CCDC91: variants seen among roughly 807,000 people sequenced by gnomAD.
CCDC91 encodes the protein coiled-coil domain-containing protein 91.
In CCDC91, 48 loss-of-function variants were observed where a neutral mutation model predicts 63.2. The observed-to-expected ratio is 0.76, with a 90% CI of 0.60 to 0.97. CCDC91 has a LOEUF of 0.97. CCDC91 is among the 50% of genes least tolerant of loss of function. The pLI is 0.00. For missense variants in CCDC91, 500 were observed against 494.6 expected, an observed-to-expected ratio of 1.01 and a Z score of -0.10; for synonymous variants, 167 against 165.8, an observed-to-expected ratio of 1.01 and a Z score of -0.06.
intron 8 of CCDC91, among the ~76,000 whole-genome samples, chr12:28,448,929 A>G (rs1282028357): frequency 6.6e-6 from 1 of 152,078 alleles, no homozygotes; most frequent in Non-Finnish European, 1.5e-5. Flanking sequence ...AGAGAATATA[A>G]AATTAAAATC....
intron 6 of CCDC91, among the ~76,000 whole-genome samples, chr12:28,312,824 G>A (rs2137210412): frequency 6.6e-6 from 1 of 152,118 alleles, no homozygotes; most frequent in Non-Finnish European, 1.5e-5. Flanking sequence ...AAGTTTCCCT[G>A]TGCAAGTTCT....
At chr12:28,510,768 G>C (rs981121070) in intron 12 of CCDC91, among the ~76,000 whole-genome samples, 2 of 151,642 alleles carry the variant, frequency 1.3e-5, no homozygotes, top group African/African-American at 4.8e-5. Flanking sequence ...TTAATCTTTT[G>C]AATAATATAA....
At chr12:28,548,915 C>T (rs903231415) in intron 12 of CCDC91, 148 bp from the exon 13 acceptor site, 1 of 548,456 alleles carries the variant, frequency 1.8e-6, no homozygotes, top group African/African-American at 1.9e-5. Context: ...AGTGACTTTA[C>T]TGTCATTCAG....
chr12:28,313,396 C>CA (rs1465526905), intron 6 of CCDC91, among the ~76,000 whole-genome samples: 3 of 151,972 alleles, frequency 2.0e-5, no homozygotes, highest in Non-Finnish European at 4.4e-5. Flanking sequence ...AGCTATTTCT[C>CA]ACCATGAAAA....
rs79672408 is a variant in CCDC91, at chr12:28,437,845, G to T, written c.763-12316G>T. Among the ~76,000 whole-genome samples, 1,405 of 151,984 alleles carry T rather than the reference G, an allele frequency of 9.2e-3. 27 individuals are homozygous for T. The highest frequency in any genetic ancestry group is 0.032 in the African/African-American group (1,335 of 41,476). Reference sequence around the variant, plus strand: ...GAACTATGCACCTGAAACTGGTTTTGTGTCTGGTAGATTCTCACTCTGCAA... The same window carrying T: ...GAACTATGCACCTGAAACTGGTTTTTTGTCTGGTAGATTCTCACTCTGCAA... On this transcript the variant is annotated intron_variant, in intron 8 of 12. Transcript: ENST00000536442.
chr12:28,511,442 G>A (rs1000805827), intron 12 of CCDC91, among the ~76,000 whole-genome samples: 5 of 151,734 alleles, frequency 3.3e-5, no homozygotes, highest in Non-Finnish European at 5.9e-5. Context: ...TACCACCAAT[G>A]CATTATTTTT....
At chr12:28,195,668 C>CT (rs1450652070) in intron 1 of CCDC91, among the ~76,000 whole-genome samples, 1 of 152,124 alleles carries the variant, frequency 6.6e-6, no homozygotes, top group African/African-American at 2.4e-5. Context: ...TATTCGAGTT[C>CT]TTTTTCTTTC....
At chr12:28,231,870 A>G (rs184697224) in intron 1 of CCDC91, among the ~76,000 whole-genome samples, 7 of 152,182 alleles carry the variant, frequency 4.6e-5, no homozygotes, top group South Asian at 4.1e-4. Context: ...AGGCACAGCT[A>G]TCTTCAATGG....
chr12:28,196,253 A>C (rs1472805444), intron 1 of CCDC91, among the ~76,000 whole-genome samples: 2 of 152,222 alleles, frequency 1.3e-5, no homozygotes, highest in African/African-American at 4.8e-5. Flanking sequence ...GTAAACAGTA[A>C]CCTTTAAAAA....
chr12:28,284,959 A>G (rs994375417), intron 3 of CCDC91, among the ~76,000 whole-genome samples: 1 of 152,166 alleles, frequency 6.6e-6, no homozygotes, highest in African/African-American at 2.4e-5. Flanking sequence ...TATGAACTCA[A>G]CGTTTTTTGA....
intron 12 of CCDC91, among the ~76,000 whole-genome samples, chr12:28,520,786 A>G (rs992018803): frequency 6.6e-5 from 10 of 152,322 alleles, no homozygotes; most frequent in African/African-American, 1.9e-4. Context: ...AGCTTTCTAC[A>G]TATGGCTAGC....
chr12:28,517,003 T>C (rs1592925092), intron 12 of CCDC91, among the ~76,000 whole-genome samples: 1 of 151,912 alleles, frequency 6.6e-6, no homozygotes, highest in African/African-American at 2.4e-5. Flanking sequence ...AAAAGTAAAT[T>C]TGAGTGAATC....
intron 3 of CCDC91, among the ~76,000 whole-genome samples, chr12:28,291,402 C>T (rs1462096124): frequency 6.6e-6 from 1 of 152,130 alleles, no homozygotes; most frequent in Admixed American, 6.6e-5. Context: ...AAGAATTGGG[C>T]CCTTTCTGTT....
chr12:28,393,899 A>C (rs767045313), intron 8 of CCDC91, among the ~76,000 whole-genome samples: 8 of 152,218 alleles, frequency 5.3e-5, no homozygotes, highest in Non-Finnish European at 8.8e-5. Flanking sequence ...AAAGATTAAC[A>C]CATGAAAATC....
At chr12:28,280,443 C>CA (rs1384446607) in intron 3 of CCDC91, among the ~76,000 whole-genome samples, 1 of 151,964 alleles carries the variant, frequency 6.6e-6, no homozygotes, top group East Asian at 1.9e-4. Flanking sequence ...TACAACATGA[C>CA]ACTAGCTGTA....
chr12:28,427,264 T>C (rs1350847964), intron 8 of CCDC91, among the ~76,000 whole-genome samples: 1 of 152,160 alleles, frequency 6.6e-6, no homozygotes, highest in African/African-American at 2.4e-5. Context: ...GCTGGAATCT[T>C]GATAATGCCC....
chr12:28,362,026 G>A (rs571457113), intron 6 of CCDC91, among the ~76,000 whole-genome samples: 20 of 152,072 alleles, frequency 1.3e-4, no homozygotes, highest in Non-Finnish European at 2.4e-4. Context: ...CCTGTCCTAG[G>A]TAGGTAGAAT....
chr12:28,477,153 G>C lies in CCDC91; in HGVS notation c.1102-6899G>C, dbSNP rs369113288. Among the ~76,000 whole-genome samples the C allele has an allele frequency of 3.9e-5, 6 of 152,018 alleles. No homozygotes were observed. The East Asian group carries it at 1.2e-3, about 29-fold the overall frequency. ...AGCATCATCCTCATTCCAAAGCCTG[G>C]CAGAGACACAACAAAAAAAGGAATT... is the stretch of plus-strand genomic sequence containing the variant. On this transcript the variant is annotated intron_variant, in intron 11 of 12. Coordinates refer to ENST00000536442, the MANE Select transcript of CCDC91 (RefSeq NM_018318.5).
intron 3 of CCDC91, among the ~76,000 whole-genome samples, chr12:28,277,654 A>G (rs1218685314): frequency 2.6e-5 from 4 of 151,896 alleles, no homozygotes; most frequent in Admixed American, 6.6e-5. Flanking sequence ...ATTTTTTTCT[A>G]TTTCTTGCAT....
Sources: allele counts gnomAD v4.1 joint callset (sites outside exome capture counted in the v4.1 genomes callset), GRCh38; gene constraint gnomAD v4.1.1; transcripts MANE v1.5; gene names NCBI Gene and HGNC (gene_info 2026-07-23, HGNC 2026-07-21).